The following DAB1 variants were observed in gnomAD, a reference collection of about 807,000 sequenced individuals.
DAB1 encodes DAB adaptor protein 1.
Under a neutral mutation model 64.6 loss-of-function variants are expected in DAB1, and 15 were observed. The ratio of observed to expected loss-of-function variants is 0.23; its 90% confidence interval spans 0.16 to 0.36. The LOEUF (loss-of-function observed/expected upper bound fraction) is 0.36. Among genes scored for constraint, DAB1 ranks in the 10% least tolerant of loss-of-function variants. The probability of loss-of-function intolerance (pLI) is 1.00; values close to 1 mark genes in which losing one functional copy is unlikely to be tolerated. For synonymous variants in DAB1, 235 were observed against 251.9 expected, an observed-to-expected ratio of 0.93 and a Z score of 0.64; for missense variants, 596 against 706.7, an observed-to-expected ratio of 0.84 and a Z score of 1.78.
At chr1:57,421,336 C>G (rs931999889) in intron 1 of DAB1, among the ~76,000 whole-genome samples, 1 of 152,130 alleles carries the variant, frequency 6.6e-6, no homozygotes, top group Non-Finnish European at 1.5e-5. Context: ...CAGATTTTAT[C>G]GTTGAATACA....
intron 5 of DAB1, among the ~76,000 whole-genome samples, chr1:58,113,031 CAT>C (rs1322745294): frequency 2.8e-4 from 43 of 152,286 alleles, no homozygotes; most frequent in African/African-American, 9.4e-4. Flanking sequence ...GAGTAAGACA[CAT>C]ATGTTTTCTG....
chr1:57,949,501 ATCTATCTATATCTG>A (rs1557572241), intron 5 of DAB1, among the ~76,000 whole-genome samples: 147 of 150,250 alleles, frequency 9.8e-4, no homozygotes, highest in African/African-American at 3.4e-3. Context: ...CTATCTATCT[ATCTATCTATATCTG>A]TCTGTCTGTC....
intron 6 of DAB1, among the ~76,000 whole-genome samples, chr1:57,781,126 C>CTCTCTCTCTATATA: frequency 3.6e-5 from 1 of 27,726 alleles, no homozygotes; most frequent in Non-Finnish European, 6.4e-5. Flanking sequence ...CTCTCTCTCT[C>CTCTCTCTCTATATA]TATATATATA....
chr1:57,490,199 T>G (rs1644144172), intron 7 of DAB1, among the ~76,000 whole-genome samples: 1 of 152,196 alleles, frequency 6.6e-6, no homozygotes, highest in Non-Finnish European at 1.5e-5. Context: ...TGTGGCTTGC[T>G]TGTGGTATTT....
intron 5 of DAB1, among the ~76,000 whole-genome samples, chr1:57,984,202 AAGAAAG>A (rs1646143067): frequency 7.5e-6 from 1 of 132,788 alleles, no homozygotes; most frequent in Admixed American, 7.6e-5. Context: ...GAAAGAAAGA[AAGAAAG>A]AAAGAAAGAA....
chr1:58,495,563 A>C (rs927619441), intron 3 of DAB1, among the ~76,000 whole-genome samples: 1 of 141,336 alleles, frequency 7.1e-6, no homozygotes, highest in East Asian at 2.0e-4. Context: ...AGCTAGTTAC[A>C]ATTATATTTA....
At chr1:57,533,675 A>G (rs79454744) in intron 7 of DAB1, among the ~76,000 whole-genome samples, 1 of 12,830 alleles carries the variant, frequency 7.8e-5, no homozygotes, top group Admixed American at 1.1e-3. Flanking sequence ...GCCAAAATTA[A>G]AAAAAAAAAA....
At position 58,241,199 on chromosome 1, in the gene DAB1, AATT is replaced by A. The variant is rs576724583; in HGVS notation, n.310-90614_310-90612del. On this transcript the variant is annotated intron_variant and non_coding_transcript_variant, in intron 4 of 20. Transcript: ENST00000485760. ...TCTTTTAAAAAGCAGAAAAGTATGT[AATT>A]ATTATTATTATTTCAGAACATTAGT... Among the ~76,000 whole-genome samples, 864 of 152,232 alleles carry A rather than the reference AATT, an allele frequency of 5.7e-3. 2 individuals are homozygous for A. The highest frequency in any genetic ancestry group is 0.01 in the Non-Finnish European group (713 of 67,970).
At chr1:58,354,605 T>G (rs1644091589) in intron 3 of DAB1, among the ~76,000 whole-genome samples, 1 of 152,168 alleles carries the variant, frequency 6.6e-6, no homozygotes, top group South Asian at 2.1e-4. Context: ...CACGTGTCTC[T>G]TATGTGTCTG....
chr1:58,064,717 G>GTATTTATT (rs919250636), intron 5 of DAB1, among the ~76,000 whole-genome samples: 1 of 99,340 alleles, frequency 1.0e-5, no homozygotes, highest in African/African-American at 4.3e-5. Flanking sequence ...ATGTATTTAT[G>GTATTTATT]TATTTATTTA....
At chr1:57,993,851 A>C (rs1056736184) in intron 5 of DAB1, among the ~76,000 whole-genome samples, 1 of 152,222 alleles carries the variant, frequency 6.6e-6, no homozygotes, top group Non-Finnish European at 1.5e-5. Flanking sequence ...TCCCAACCCC[A>C]GTAGAAAGAG....
intron 7 of DAB1, among the ~76,000 whole-genome samples, chr1:57,493,237 CATT>C (rs1218538486): frequency 6.6e-6 from 1 of 151,956 alleles, no homozygotes; most frequent in African/African-American, 2.4e-5. Context: ...ATTGTGCAAC[CATT>C]ATCACCATCC....
intron 6 of DAB1, among the ~76,000 whole-genome samples, chr1:57,739,549 C>T (rs995130914): frequency 6.8e-5 from 10 of 146,336 alleles, no homozygotes; most frequent in Non-Finnish European, 1.2e-4. Flanking sequence ...CAGGTTCAAG[C>T]GATTCTCCTG....
intron 4 of DAB1, among the ~76,000 whole-genome samples, chr1:58,211,618 GATA>G (rs1261796326): frequency 6.6e-6 from 1 of 152,158 alleles, no homozygotes; most frequent in Non-Finnish European, 1.5e-5. Flanking sequence ...ATCATAATAA[GATA>G]ATGTTTTCCA....
At chr1:58,158,956 C>T (rs1049996049) in intron 4 of DAB1, among the ~76,000 whole-genome samples, 3 of 152,130 alleles carry the variant, frequency 2.0e-5, no homozygotes, top group Non-Finnish European at 1.5e-5. Context: ...AAATGAAAGG[C>T]GAGTTCCCAT....
chr1:57,508,195 C>G (rs1019574260), intron 7 of DAB1, among the ~76,000 whole-genome samples: 1 of 152,170 alleles, frequency 6.6e-6, no homozygotes, highest in Non-Finnish European at 1.5e-5. Context: ...AACCTTTGTG[C>G]CTTGGCTCCA....
intron 3 of DAB1, among the ~76,000 whole-genome samples, chr1:58,499,477 T>TATAGATAGATACATAG (rs1645863694): frequency 7.0e-6 from 1 of 143,662 alleles, no homozygotes; most frequent in African/African-American, 2.6e-5. Flanking sequence ...AAAGCCAGAC[T>TATAGATAGATACATAG]ATAGATAGAT....
At chr1:57,562,966 A>G (rs1052813183) in intron 7 of DAB1, among the ~76,000 whole-genome samples, 2 of 152,128 alleles carry the variant, frequency 1.3e-5, no homozygotes, top group African/African-American at 4.8e-5. Flanking sequence ...TATATATATA[A>G]ATAGGAGGCC....
At chr1:57,503,956 C>T (rs898211287) in intron 7 of DAB1, among the ~76,000 whole-genome samples, 3 of 152,146 alleles carry the variant, frequency 2.0e-5, no homozygotes, top group South Asian at 2.1e-4. Context: ...GGGTCTTCAC[C>T]GGATTGTTGC....
Sources: gnomAD v4.1 joint callset for allele counts (sites outside exome capture counted in the v4.1 genomes callset) on GRCh38, gnomAD v4.1.1 for gene constraint, MANE v1.5 for transcripts, NCBI Gene and HGNC (gene_info 2026-07-23, HGNC 2026-07-21) for gene names.